The following RMDN2 variants were observed in gnomAD, a reference collection of about 807,000 sequenced individuals.
RMDN2 encodes regulator of microtubule dynamics 2.
In RMDN2, 61 loss-of-function variants were observed where a neutral mutation model predicts 52.8. The ratio of observed to expected loss-of-function variants is 1.16; its 90% CI spans 0.94 to 1.43. The LOEUF (loss-of-function observed/expected upper bound fraction) is 1.43. Ranked by LOEUF, RMDN2 falls within the 40% of genes most tolerant of loss-of-function variation. The pLI, the probability that RMDN2 is intolerant of heterozygous loss-of-function variation, is 0.00. For synonymous variants in RMDN2, 180 were observed against 153.1 expected (o/e 1.18, Z -1.30); for missense variants, 592 against 475.3 (o/e 1.25, Z -2.28).
chr2:37,949,609 A>C (rs1668537110), intron 2 of RMDN2, among the ~76,000 whole-genome samples: 1 of 152,200 alleles, frequency 6.6e-6, no homozygotes, highest in African/African-American at 2.4e-5. Context: ...TCAAATTACA[A>C]ATCCGACCAT....
intron 2 of RMDN2, chr2:37,950,491 G>A: frequency 6.2e-7 from 1 of 1,612,334 alleles, no homozygotes; most frequent in Non-Finnish European, 8.5e-7. Context: ...TCAGTCTTCT[G>A]ACCTGTTCCA....
intron 10 of RMDN2, among the ~76,000 whole-genome samples, chr2:38,052,942 T>C (rs147790429): frequency 3.3e-5 from 5 of 152,318 alleles, no homozygotes; most frequent in African/African-American, 9.6e-5. Flanking sequence ...CAAAAATCAC[T>C]GTGTGGAATG....
At chr2:37,954,010 C>G (rs951326321) in intron 2 of RMDN2, among the ~76,000 whole-genome samples, 3 of 151,864 alleles carry the variant, frequency 2.0e-5, no homozygotes, top group Non-Finnish European at 2.9e-5. Context: ...GGAGAAATGC[C>G]AATTCAAGTC....
intron 6 of RMDN2, among the ~76,000 whole-genome samples, chr2:37,990,579 G>A (rs1674653916): frequency 7.1e-6 from 1 of 140,328 alleles, no homozygotes; most frequent in Non-Finnish European, 1.5e-5. Flanking sequence ...CATCTTAAGT[G>A]TGACCAGCAC....
chr2:38,034,964 A>G (rs1680475150), intron 10 of RMDN2, among the ~76,000 whole-genome samples: 2 of 152,172 alleles, frequency 1.3e-5, no homozygotes. Flanking sequence ...TGTCACTACT[A>G]TTATTGAATA....
intron 8 of RMDN2, among the ~76,000 whole-genome samples, chr2:38,002,271 C>T (rs1455380428): frequency 1.3e-5 from 2 of 152,108 alleles, no homozygotes; most frequent in Admixed American, 1.3e-4. Context: ...ATCTCCCTTA[C>T]AGGAATAAAC....
At chr2:37,957,545 C>T (rs1669640554) in intron 2 of RMDN2, among the ~76,000 whole-genome samples, 2 of 152,100 alleles carry the variant, frequency 1.3e-5, no homozygotes, top group African/African-American at 4.8e-5. Context: ...TTGATATTAG[C>T]CCTTTGTCAG....
intron 10 of RMDN2, among the ~76,000 whole-genome samples, chr2:38,061,006 G>C (rs948900054): frequency 6.6e-6 from 1 of 152,142 alleles, no homozygotes; most frequent in Non-Finnish European, 1.5e-5. Flanking sequence ...GTGCTTAAAA[G>C]AATCAGTGTG....
intron 6 of RMDN2, among the ~76,000 whole-genome samples, chr2:37,990,142 G>GAA (rs71400335): frequency 3.0e-4 from 5 of 16,840 alleles, no homozygotes; most frequent in Non-Finnish European, 4.2e-4. Context: ...GACTCCGTCT[G>GAA]AAAAAAAAAA....
intron 2 of RMDN2, among the ~76,000 whole-genome samples, chr2:37,963,911 C>CCA (rs999971471): frequency 5.3e-5 from 8 of 151,258 alleles, no homozygotes; most frequent in Non-Finnish European, 1.2e-4. Flanking sequence ...GGCGCCCCCC[C>CCA]ACCTCCCGGA....
chr2:38,002,783 G>A (rs1219791197), intron 8 of RMDN2: 2 of 152,196 alleles, frequency 1.3e-5, no homozygotes, highest in East Asian at 3.8e-4. Context: ...TTTAATTTTG[G>A]AAATGTCTGA....
At chr2:37,952,765 T>C (rs1359349961) in intron 2 of RMDN2, 1 of 152,570 alleles carries the variant, frequency 6.6e-6, no homozygotes, top group Non-Finnish European at 1.5e-5. Context: ...TAGCGGAATA[T>C]GTAGAATATT....
chr2:37,997,387 C>T (rs372129162), intron 7 of RMDN2, 29 bp from the exon 8 acceptor site: 1 of 1,418,778 alleles, frequency 7.0e-7, no homozygotes, highest in Non-Finnish European at 1.0e-6. Flanking sequence ...GAACAACTTT[C>T]TAAGAGTGAT....
chr2:38,021,667 A>G (rs1375651087), downstream of RMDN2, among the ~76,000 whole-genome samples: 2 of 152,160 alleles, frequency 1.3e-5, no homozygotes, highest in African/African-American at 2.4e-5. Flanking sequence ...GAACCCACCA[A>G]TTCTGGACAC....
intron 10 of RMDN2, among the ~76,000 whole-genome samples, chr2:38,009,385 A>G (rs999594223): frequency 6.6e-6 from 1 of 152,146 alleles, no homozygotes; most frequent in Non-Finnish European, 1.5e-5. Context: ...ATAGTCCCAC[A>G]TTTCTTGGAG....
intron 5 of RMDN2, among the ~76,000 whole-genome samples, chr2:37,987,564 G>A (rs182027520): frequency 1.3e-5 from 2 of 152,280 alleles, no homozygotes; most frequent in Admixed American, 6.5e-5. Context: ...GCAGAACACA[G>A]AGGATTTTTA....
chr2:37,989,520 G>T, intron 5 of RMDN2, 21 bp from the exon 6 acceptor site: 1 of 1,574,204 alleles, frequency 6.4e-7, no homozygotes, highest in Non-Finnish European at 8.7e-7. Flanking sequence ...CACTGTTTTT[G>T]TCTGTTTTTG....
chr2:38,000,966 C>T (rs1404185730), intron 8 of RMDN2, among the ~76,000 whole-genome samples: 3 of 152,126 alleles, frequency 2.0e-5, no homozygotes, highest in Non-Finnish European at 4.4e-5. Context: ...GGCTGGAAAC[C>T]ACTGGATCAG....
intron 7 of RMDN2, among the ~76,000 whole-genome samples, chr2:37,996,603 AAAAAAAAAAAAAAAAGAG>A (rs1558527549): frequency 2.6e-5 from 1 of 38,566 alleles, no homozygotes; most frequent in African/African-American, 1.9e-4. Context: ...AAAAAAAAGA[AAAAAAAAAAAAAAAAGAG>A]GATATTGGCT....
Sources: allele counts gnomAD v4.1 joint callset (sites outside exome capture counted in the v4.1 genomes callset), GRCh38; gene constraint gnomAD v4.1.1; transcripts MANE v1.5; gene names NCBI Gene and HGNC (gene_info 2026-07-23, HGNC 2026-07-21).